The following CNOT2 variants were observed in gnomAD, a reference collection of about 807,000 sequenced individuals.
CNOT2 encodes CCR4-NOT transcription complex subunit 2.
A neutral mutation model predicts 72.1 loss-of-function variants in CNOT2; 7 were observed. The ratio of observed to expected loss-of-function variants is 0.10; its 90% CI spans 0.06 to 0.18. The LOEUF (loss-of-function observed/expected upper bound fraction) is 0.18, where lower values mean the gene tolerates loss of function less well. CNOT2 is among the 10% of genes least tolerant of loss of function. The probability of loss-of-function intolerance (pLI) is 1.00; values close to 1 mark genes in which losing one functional copy is unlikely to be tolerated. For synonymous variants in CNOT2, 196 were observed against 225.6 expected (o/e 0.87, Z 1.17); for missense variants, 345 against 660.3 (o/e 0.52, Z 5.23).
intron 1 of CNOT2, among the ~76,000 whole-genome samples, chr12:70,248,882 G>A (rs181318592): frequency 6.6e-6 from 1 of 152,054 alleles, no homozygotes; most frequent in African/African-American, 2.4e-5. Context: ...TTCCTTATAC[G>A]TGAGTAGATG....
At chr12:70,323,127 A>T (rs1310921057) in intron 4 of CNOT2, 3 of 151,724 alleles carry the variant, frequency 2.0e-5, no homozygotes, top group Non-Finnish European at 2.9e-5. Context: ...TTCAAAAAGC[A>T]GGTAGGAATT....
chr12:70,264,677 T>C (rs1008114179), intron 1 of CNOT2, among the ~76,000 whole-genome samples: 1 of 152,108 alleles, frequency 6.6e-6, no homozygotes, highest in Non-Finnish European at 1.5e-5. Context: ...GGAGAGATAC[T>C]CTAACCCTTG....
At chr12:70,335,669 T>C in intron 8 of CNOT2, 106 bp downstream of exon 8, 1 of 772,750 alleles carries the variant, frequency 1.3e-6, no homozygotes, top group East Asian at 2.6e-5. Context: ...TACACATGTA[T>C]GTTTGCATTT....
intron 1 of CNOT2, among the ~76,000 whole-genome samples, chr12:70,267,034 T>C (rs1022167082): frequency 6.6e-6 from 1 of 152,208 alleles, no homozygotes; most frequent in African/African-American, 2.4e-5. Flanking sequence ...ACTTTTAATA[T>C]TGCATTTTAC....
intron 2 of CNOT2, among the ~76,000 whole-genome samples, chr12:70,307,130 C>T (rs1249531258): frequency 6.6e-6 from 1 of 152,098 alleles, no homozygotes; most frequent in Admixed American, 6.6e-5. Flanking sequence ...AGGCTTAGGA[C>T]ATTACAGTAT....
Position 70,330,416 on chromosome 12 carries a change from C to T in CNOT2, c.516C>T (p.Ser172=), listed in dbSNP as rs1264818693. 2.5e-6 allele frequency: 4 copies of T among 1,612,424 alleles called. No homozygotes were observed. The highest frequency in any genetic ancestry group is 2.2e-5 in the East Asian group (1 of 44,818). Residue 172 remains serine (S), a synonymous_variant, in exon 6 of 16, where the codon AGC becomes AGT. Transcript: ENST00000229195. ...GLGSPNRSSP[S]IICMPKQQPS... ...GTAGCCCCAACAGAAGCTCGCCAAG[C>T]ATAATATGTATGCCAAAGCAGCAGC...
In CNOT2 at chr12:70,354,109, A is replaced by G. The variant is rs562157201; in HGVS notation, c.*194A>G. ...ACTAATTATGTGCTGCCCAACAACTAAATTTGTAATTTGTTTTTCTCTAGT... is the reference window on the plus strand; with the variant it reads ...ACTAATTATGTGCTGCCCAACAACTGAATTTGTAATTTGTTTTTCTCTAGT... On this transcript the variant is annotated 3_prime_UTR_variant, in exon 16 of 16. Transcript: ENST00000229195. The G allele has an allele frequency of 3.6e-5, 38 of 1,041,978 alleles. No individual in the cohort carries two copies. In the African/African-American group the frequency reaches 5.9e-4, roughly 16 times the overall value. 64.5% of individuals were successfully genotyped at this position (1,041,978 alleles called of 1,614,324 possible).
chr12:70,305,765 A>C (rs1379144996), intron 2 of CNOT2, among the ~76,000 whole-genome samples: 1 of 151,764 alleles, frequency 6.6e-6, no homozygotes, highest in Non-Finnish European at 1.5e-5. Flanking sequence ...GTGTATCTTC[A>C]GGCCTGCCTC....
At chr12:70,313,948 A>G (rs754685117) in intron 3 of CNOT2, among the ~76,000 whole-genome samples, 50 of 152,194 alleles carry the variant, frequency 3.3e-4, no homozygotes, top group Non-Finnish European at 6.6e-4. Flanking sequence ...TGTCAGAACT[A>G]CAACATAATT....
At chr12:70,270,671 T>G (rs1959194800) in intron 1 of CNOT2, among the ~76,000 whole-genome samples, 1 of 152,168 alleles carries the variant, frequency 6.6e-6, no homozygotes, top group Non-Finnish European at 1.5e-5. Context: ...ACCCACTCTT[T>G]TAAACAAACC....
intron 2 of CNOT2, among the ~76,000 whole-genome samples, chr12:70,305,654 A>G (rs896150528): frequency 1.3e-5 from 2 of 152,160 alleles, no homozygotes; most frequent in African/African-American, 4.8e-5. Flanking sequence ...TGAATAGCCA[A>G]AATTAAGCTG....
At position 70,304,878 on chromosome 12, in the gene CNOT2, C is replaced by T. The variant is rs1026287285; in HGVS notation, c.49-6017C>T. ...CTACTCAAGCCTTGGCAATGGCGGG[C>T]ACCCCTCCCCCAGCCTGGCTGCTGC... is the stretch of plus-strand genomic sequence containing the variant. On this transcript the variant is annotated intron_variant, in intron 2 of 15. Transcript: ENST00000229195. Among the ~76,000 whole-genome samples the T allele has an allele frequency of 7.9e-5, 12 of 152,144 alleles. No individual in the cohort carries two copies. In the East Asian group the frequency reaches 9.7e-4, roughly 12 times the overall value.
intron 4 of CNOT2, chr12:70,324,313 A>G (rs1878736704): frequency 6.6e-6 from 1 of 151,708 alleles, no homozygotes; most frequent in Non-Finnish European, 1.5e-5. Context: ...ATAGATAAGA[A>G]TATAGCAAAT....
chr12:70,279,305 G>A (rs1869412256), intron 2 of CNOT2, among the ~76,000 whole-genome samples: 1 of 152,186 alleles, frequency 6.6e-6, no homozygotes, highest in Non-Finnish European at 1.5e-5. Context: ...GTATAACAAA[G>A]AGGCTTTGAT....
intron 15 of CNOT2, among the ~76,000 whole-genome samples, chr12:70,347,071 T>C (rs1298918072): frequency 1.3e-5 from 2 of 151,482 alleles, no homozygotes; most frequent in African/African-American, 4.8e-5. Flanking sequence ...AACTCCATGA[T>C]TTTTCTGATA....
chr12:70,296,757 G>GCCCC (rs141226711), intron 2 of CNOT2, among the ~76,000 whole-genome samples: 9 of 138,426 alleles, frequency 6.5e-5, no homozygotes, highest in Admixed American at 5.2e-4. Context: ...CTTTATTTAA[G>GCCCC]CCCCCCCCCC....
intron 2 of CNOT2, among the ~76,000 whole-genome samples, chr12:70,280,917 T>C (rs1222670512): frequency 2.0e-5 from 3 of 152,206 alleles, no homozygotes; most frequent in Admixed American, 2.0e-4. Context: ...ATATGGCTCA[T>C]GGTTCATTTT....
At position 70,278,148 on chromosome 12, in the gene CNOT2, C is replaced by A; in HGVS notation, c.-79C>A. ...CCACTCTAGAGGGAGACGTGGTGGGCGGTCCTTCCTGTGACACGACCCTTG... is the reference window on the plus strand; with the variant it reads ...CCACTCTAGAGGGAGACGTGGTGGGAGGTCCTTCCTGTGACACGACCCTTG... On this transcript the variant is annotated 5_prime_UTR_variant, in exon 2 of 16. Transcript: ENST00000229195. 1.0e-6 allele frequency: 1 copy of A among 976,506 alleles called. No individual in the cohort carries two copies. The highest frequency in any genetic ancestry group is 1.6e-6 in the Non-Finnish European group (1 of 621,952). 60.5% of individuals were successfully genotyped at this position (976,506 alleles called of 1,614,324 possible).
At chr12:70,302,958 T>C (rs1199620552) in intron 2 of CNOT2, among the ~76,000 whole-genome samples, 1 of 150,166 alleles carries the variant, frequency 6.7e-6, no homozygotes, top group African/African-American at 2.5e-5. Flanking sequence ...TTGATCCCTT[T>C]ACCATTGTGT....
Sources: gnomAD v4.1 joint callset for allele counts (sites outside exome capture counted in the v4.1 genomes callset) on GRCh38, gnomAD v4.1.1 for gene constraint, MANE v1.5 for transcripts, NCBI Gene and HGNC (gene_info 2026-07-23, HGNC 2026-07-21) for gene names.